SBNO1: variants seen among roughly 807,000 people sequenced by gnomAD.
SBNO1 encodes the protein strawberry notch homolog 1.
In SBNO1, 23 loss-of-function variants were observed where a neutral mutation model predicts 173.6. The ratio of observed to expected loss-of-function variants is 0.13; its 90% CI spans 0.10 to 0.19. The LOEUF (loss-of-function observed/expected upper bound fraction) is 0.19. SBNO1 is among the 10% of genes least tolerant of loss of function. The pLI, the probability that SBNO1 is intolerant of heterozygous loss-of-function variation, is 1.00. For missense variants in SBNO1, 1,238 were observed against 1,671.2 expected (o/e 0.74, Z 4.52); for synonymous variants, 632 against 571.5 (o/e 1.11, Z -1.51).
chr12:123,294,676 A>C lies in SBNO1; in HGVS notation c.*1232T>G, dbSNP rs1443960270. ...AAAAAAAAAAAGAAAAAAAGAAAAG[A>C]AAGAAAAAGAAAGAAAAGATAAAAA... On this transcript the variant is annotated 3_prime_UTR_variant, in exon 32 of 32. Coordinates refer to ENST00000602398, the MANE Select transcript of SBNO1 (RefSeq NM_001167856.3). 1 of 156,642 alleles carries C rather than the reference A, an allele frequency of 6.4e-6. No individual in the cohort carries two copies. The highest frequency in any genetic ancestry group is 2.7e-5 in the African/African-American group (1 of 37,522). 9.7% of individuals were successfully genotyped at this position (156,642 alleles called of 1,614,324 possible).
At position 123,309,501 on chromosome 12, in the gene SBNO1, T is replaced by C; in HGVS notation, c.3525A>G (p.Val1175=). 6.2e-7 allele frequency: 1 copy of C among 1,612,966 alleles called. No homozygotes were observed. Among genetic ancestry groups the C allele is most frequent in the Non-Finnish European group, 8.5e-7 (1 of 1,178,914 alleles). Residue 1175 remains valine, a synonymous_variant, in exon 27 of 32, where the codon GTA becomes GTG. Transcript: ENST00000602398. ...TTTCTAAACTTACTGTGTATAATTC[T>C]ACGTGGCCAGAGGTTGAATATCCTG... ...LTPGYSTSGH[V]ELYTISVERG...
At chr12:123,326,430 T>C in intron 13 of SBNO1, 96 bp from the exon 14 acceptor site, 1 of 646,252 alleles carries the variant, frequency 1.5e-6, no homozygotes, top group East Asian at 3.0e-5. Context: ...TGCAAGACCA[T>C]TTAATATTAA....
chr12:123,364,317 G>C, intron 1 of SBNO1: 1 of 983,578 alleles, frequency 1.0e-6, no homozygotes, highest in Non-Finnish European at 1.2e-6. Context: ...TCCCGGACCC[G>C]CAGCCCCCGG....
intron 7 of SBNO1, among the ~76,000 whole-genome samples, chr12:123,333,695 A>C (rs891760601): frequency 9.2e-5 from 14 of 151,894 alleles, no homozygotes; most frequent in Non-Finnish European, 1.8e-4. Flanking sequence ...ATGATGTTTC[A>C]CCATGTTACC....
intron 1 of SBNO1, among the ~76,000 whole-genome samples, chr12:123,355,819 T>C (rs373770471): frequency 2.0e-5 from 3 of 151,986 alleles, no homozygotes; most frequent in African/African-American, 4.8e-5. Context: ...TTTGAAAACA[T>C]GACCTATTTC....
At chr12:123,297,514 G>A (rs1165307042) in intron 31 of SBNO1, among the ~76,000 whole-genome samples, 3 of 150,680 alleles carry the variant, frequency 2.0e-5, no homozygotes, top group Non-Finnish European at 4.4e-5. Context: ...AGCAAACAGA[G>A]TCCAGTTGCT....
intron 30 of SBNO1, among the ~76,000 whole-genome samples, chr12:123,301,068 C>T (rs2048775866): frequency 1.3e-5 from 2 of 151,902 alleles, no homozygotes; most frequent in Admixed American, 6.6e-5. Context: ...GGTGCAGTGC[C>T]ACGATCTCAG....
chr12:123,348,683 G>A (rs1409008586), intron 2 of SBNO1, among the ~76,000 whole-genome samples: 2 of 152,092 alleles, frequency 1.3e-5, no homozygotes, highest in African/African-American at 2.4e-5. Flanking sequence ...GGAGAATGGC[G>A]TGAACCTGGG....
In SBNO1 at chr12:123,296,067, G is replaced by A; in HGVS notation, c.4040-17C>T. The A allele has an allele frequency of 2.6e-6, 4 of 1,560,440 alleles. No individual in the cohort carries two copies. The highest frequency in any genetic ancestry group is 3.5e-6 in the Non-Finnish European group (4 of 1,133,148). On this transcript the variant is annotated splice_polypyrimidine_tract_variant and intron_variant, in intron 31 of 31. Transcript: ENST00000602398. ...TGATCAAACCTGTAATTAGTAACAAGAATTTATCAAGTTGTGTCCAGAAGA... is the reference window on the plus strand; with the variant it reads ...TGATCAAACCTGTAATTAGTAACAAAAATTTATCAAGTTGTGTCCAGAAGA...
At chr12:123,340,928 T>G (rs924448363) in intron 5 of SBNO1, 60 bp downstream of exon 5, 18 of 1,075,702 alleles carry the variant, frequency 1.7e-5, no homozygotes, top group Non-Finnish European at 2.4e-5. Context: ...TATAGAACAC[T>G]TTTAGTTGAG....
In SBNO1 at chr12:123,304,708, G is replaced by C. The variant is rs1243317202; in HGVS notation, c.3642C>G (p.Asn1214Lys). 10 of 1,525,406 alleles carry C rather than the reference G, an allele frequency of 6.6e-6. No individual in the cohort carries two copies. Among genetic ancestry groups the C allele is most frequent in the Admixed American group, 1.8e-5 (1 of 56,234 alleles). The allele number at this position is 1,525,406 out of a possible 1,614,324, so 94.5% of individuals were successfully genotyped here. The change falls in exon 29 of 32, where the codon AAC becomes AAG. Residue 1214 changes from asparagine to lysine, a missense_variant. Coordinates refer to ENST00000602398, the MANE Select transcript of SBNO1 (RefSeq NM_001167856.3). ...GFYLSLQIRN[N>K]KKTAILVKEV... ...CTTTAACTAAGATGGCAGTTTTCTT[G>C]TTGTTCCTTATCTGTTTAAAGAAAA...
chr12:123,351,451 C>T (rs1873870173), intron 1 of SBNO1, among the ~76,000 whole-genome samples: 1 of 152,062 alleles, frequency 6.6e-6, no homozygotes, highest in Non-Finnish European at 1.5e-5. Flanking sequence ...GCCTAGAGAC[C>T]CCGTATCTAC....
chr12:123,334,029 G>T (rs746031217), intron 7 of SBNO1, 24 bp downstream of exon 7: 6 of 1,465,794 alleles, frequency 4.1e-6, no homozygotes, highest in Non-Finnish European at 4.6e-6. Flanking sequence ...AATAATTATT[G>T]TATTATGAAA....
rs2048536047 is a variant in SBNO1 at position 123,293,136 on chromosome 12, G to T, written c.*2772C>A. The T allele has an allele frequency of 1.3e-5, 2 of 152,216 alleles. No individual in the cohort carries two copies. Among genetic ancestry groups the T allele is most frequent in the Admixed American group, 1.3e-4 (2 of 15,282 alleles). 9.4% of individuals were successfully genotyped at this position (152,216 alleles called of 1,614,324 possible). A position where few individuals can be genotyped will look rare whatever the true frequency, so the allele number is the denominator to read the frequency against. ...GAAAAAGGCATTGCAGAGGCAAAGT[G>T]GACATGGGGTTAATTAAACAAGGCC... is the stretch of plus-strand genomic sequence containing the variant. On this transcript the variant is annotated 3_prime_UTR_variant, in exon 32 of 32. Coordinates refer to ENST00000602398, the MANE Select transcript of SBNO1 (RefSeq NM_001167856.3).
chr12:123,329,372 ATCT>A (rs774940519), intron 9 of SBNO1, among the ~76,000 whole-genome samples: 136 of 144,658 alleles, frequency 9.4e-4, no homozygotes, highest in Middle Eastern at 3.6e-3. Context: ...CAGAGCTGAG[ATCT>A]TTTTTTTTTT....
At chr12:123,356,737 C>A (rs982112975) in intron 1 of SBNO1, among the ~76,000 whole-genome samples, 2 of 152,150 alleles carry the variant, frequency 1.3e-5, no homozygotes, top group African/African-American at 2.4e-5. Flanking sequence ...AGCCACCGTG[C>A]CCTGCACATA....
At chr12:123,305,764 C>G (rs140561089) in intron 28 of SBNO1, among the ~76,000 whole-genome samples, 1 of 152,010 alleles carries the variant, frequency 6.6e-6, no homozygotes, top group Non-Finnish European at 1.5e-5. Context: ...TGAGCCACCA[C>G]GCCTGGCCTA....
rs2048963044 is a variant in SBNO1, at chr12:123,307,997, G to GGGAGGC, written c.3630+1307_3630+1312dup. 1.2e-4 allele frequency among the ~76,000 whole-genome samples: 18 copies of GGGAGGC among 152,246 alleles called. 1 individual carries two copies. Among genetic ancestry groups the GGGAGGC allele is most frequent in the Admixed American group, 1.2e-3 (18 of 15,296 alleles). On this transcript the variant is annotated intron_variant, in intron 28 of 31. Transcript: ENST00000602398. ...TGTGGCAGGAGAATCGCTTGAACCTGGGAGGCGGAGGTTGCAGTAAGCCAA... is the reference window on the plus strand; with the variant it reads ...TGTGGCAGGAGAATCGCTTGAACCTGGGAGGCGGAGGCGGAGGTTGCAGTAAGCCAA...
chr12:123,331,519 T>C lies in SBNO1; in HGVS notation c.910-144A>G, dbSNP rs149930698. The stretch of plus-strand genomic sequence containing the variant: ...TGACTTTATTTTTACATAAATTTCA[T>C]AGAGTTTTGGATTTTTTTTTGAGAC... On this transcript the variant is annotated intron_variant, in intron 7 of 31. Transcript: ENST00000602398. 115 of 834,168 alleles carry C rather than the reference T, an allele frequency of 1.4e-4. No individual in the cohort carries two copies. The African/African-American group carries it at 1.6e-3, about 12-fold the overall frequency. The allele number at this position is 834,168 out of a possible 1,614,324, so 51.7% of individuals were successfully genotyped here.
Sources: allele counts gnomAD v4.1 joint callset (sites outside exome capture counted in the v4.1 genomes callset), GRCh38; gene constraint gnomAD v4.1.1; transcripts MANE v1.5; gene names NCBI Gene and HGNC (gene_info 2026-07-23, HGNC 2026-07-21).